SV2C: variants seen among roughly 807,000 people sequenced by gnomAD.
The protein encoded by SV2C is synaptic vesicle glycoprotein 2C.
Under a neutral mutation model 79.7 loss-of-function variants are expected in SV2C, and 49 were observed. The ratio of observed to expected loss-of-function variants is 0.61; its 90% confidence interval spans 0.49 to 0.78. The LOEUF (loss-of-function observed/expected upper bound fraction) is 0.78, where lower values mean the gene tolerates loss of function less well. SV2C is among the 30% of genes least tolerant of loss of function. The pLI, the probability that SV2C is intolerant of heterozygous loss-of-function variation, is 0.00. For synonymous variants in SV2C, 334 were observed against 333.2 expected (o/e 1.00, Z -0.03); for missense variants, 833 against 912.9 (o/e 0.91, Z 1.13).
chr5:76,040,916 G>A, the SV2C span, among the ~76,000 whole-genome samples: 1,488 of 152,278 alleles, frequency 9.8e-3, 27 homozygotes, highest in African/African-American at 0.03. Flanking sequence ...CAGTATCATA[G>A]CCTACCAAAA....
intron 12 of SV2C, among the ~76,000 whole-genome samples, chr5:76,344,854 G>A (rs1334814630): frequency 1.3e-5 from 2 of 152,240 alleles, no homozygotes; most frequent in Non-Finnish European, 2.9e-5. Context: ...TCATAGCCAT[G>A]TGGGTATATT....
At chr5:76,115,232 G>A (rs1176629294) in intron 1 of SV2C, among the ~76,000 whole-genome samples, 1 of 152,184 alleles carries the variant, frequency 6.6e-6, no homozygotes, top group East Asian at 1.9e-4. Context: ...TTCCATCTTT[G>A]AGTCTAAGTA....
At chr5:76,033,822 T>C in the SV2C span, among the ~76,000 whole-genome samples, 1 of 151,978 alleles carries the variant, frequency 6.6e-6, no homozygotes. Context: ...GCATTGAATC[T>C]GTAAATTACC....
At chr5:75,971,666 A>C in the SV2C span, among the ~76,000 whole-genome samples, 1 of 152,160 alleles carries the variant, frequency 6.6e-6, no homozygotes, top group African/African-American at 2.4e-5. Context: ...CTGCTCAAGG[A>C]AATAAAAGAG....
chr5:76,215,119 A>T (rs1023366406), intron 4 of SV2C, among the ~76,000 whole-genome samples: 4 of 152,168 alleles, frequency 2.6e-5, no homozygotes, highest in Non-Finnish European at 5.9e-5. Context: ...ACCATCGAGT[A>T]TGTTAGCTGG....
intron 4 of SV2C, among the ~76,000 whole-genome samples, chr5:76,275,134 A>G (rs568940646): frequency 6.6e-6 from 1 of 152,296 alleles, no homozygotes; most frequent in South Asian, 2.1e-4. Context: ...TCTTGTACCT[A>G]AAATCTGCAT....
intron 3 of SV2C, among the ~76,000 whole-genome samples, chr5:76,206,287 A>G (rs1744605643): frequency 6.6e-6 from 1 of 152,208 alleles, no homozygotes; most frequent in Admixed American, 6.5e-5. Context: ...GATGATCATT[A>G]TAGCATCTGC....
the SV2C span, among the ~76,000 whole-genome samples, chr5:75,866,172 C>G: frequency 1.3e-5 from 2 of 152,140 alleles, no homozygotes. Context: ...AACACGTTTA[C>G]TTCAACTGCC....
chr5:75,869,325 G>C, the SV2C span, among the ~76,000 whole-genome samples: 2 of 152,190 alleles, frequency 1.3e-5, no homozygotes, highest in African/African-American at 4.8e-5. Flanking sequence ...TAAGCTAACT[G>C]AAGAGCCCTT....
the SV2C span, among the ~76,000 whole-genome samples, chr5:75,994,531 G>A: frequency 6.6e-6 from 1 of 152,004 alleles, no homozygotes; most frequent in Non-Finnish European, 1.5e-5. Flanking sequence ...ATAAAGTGAG[G>A]GCATTGAAGG....
chr5:75,968,851 G>A, the SV2C span, among the ~76,000 whole-genome samples: 1 of 152,150 alleles, frequency 6.6e-6, no homozygotes, highest in Admixed American at 6.5e-5. Flanking sequence ...CTCGAGAAGA[G>A]CAACTTCAAG....
intron 2 of SV2C, among the ~76,000 whole-genome samples, chr5:76,178,387 T>G (rs776205037): frequency 6.2e-4 from 94 of 152,228 alleles, no homozygotes; most frequent in Non-Finnish European, 1.1e-3. Flanking sequence ...TAAATTTCTT[T>G]TCTTTTTCAG....
At chr5:75,878,332 A>G in the SV2C span, among the ~76,000 whole-genome samples, 1 of 152,150 alleles carries the variant, frequency 6.6e-6, no homozygotes, top group Non-Finnish European at 1.5e-5. Flanking sequence ...TTTGCAGTTG[A>G]GGAAGTTGAA....
At chr5:75,985,520 C>T in the SV2C span, among the ~76,000 whole-genome samples, 3 of 151,980 alleles carry the variant, frequency 2.0e-5, no homozygotes, top group Non-Finnish European at 4.4e-5. Context: ...TAAGCACCTG[C>T]TCCTAAAAAT....
At chr5:76,051,186 T>TA in the SV2C span, among the ~76,000 whole-genome samples, 6 of 151,842 alleles carry the variant, frequency 4.0e-5, no homozygotes, top group African/African-American at 1.5e-4. Flanking sequence ...TTAGCTAATA[T>TA]AAAAAAAAGT....
At chr5:75,866,071 C>G in the SV2C span, among the ~76,000 whole-genome samples, 1 of 152,198 alleles carries the variant, frequency 6.6e-6, no homozygotes, top group Non-Finnish European at 1.5e-5. Context: ...TTCTGAGCCA[C>G]TTACTTCCCT....
intron 2 of SV2C, among the ~76,000 whole-genome samples, chr5:76,145,835 G>A (rs13170038): frequency 0.11 from 16,960 of 152,188 alleles, 1,051 homozygotes; most frequent in Non-Finnish European, 0.14. Flanking sequence ...GGGAGAGATT[G>A]GGGGAACACA....
rs115196313 is a variant in SV2C, at chr5:76,086,272, C to T, written c.-102+2760C>T. ...TCATAATGTGCAATATATCACGTGA[C>T]GACAAGTACCAGAAAACCCATTTCC... On this transcript the variant is annotated intron_variant, in intron 1 of 12. Coordinates refer to ENST00000502798, the MANE Select transcript of SV2C (RefSeq NM_014979.4). Among the ~76,000 whole-genome samples the T allele has an allele frequency of 1.1e-3, 175 of 152,238 alleles. 1 individual carries two copies. Among genetic ancestry groups the T allele is most frequent in the African/African-American group, 3.8e-3 (159 of 41,536 alleles).
intron 1 of SV2C, among the ~76,000 whole-genome samples, chr5:76,097,761 G>T (rs2112111272): frequency 6.6e-6 from 1 of 152,212 alleles, no homozygotes; most frequent in African/African-American, 2.4e-5. Context: ...CATATTTGGA[G>T]GTGGGAAAGG....
Sources: allele counts gnomAD v4.1 joint callset (sites outside exome capture counted in the v4.1 genomes callset), GRCh38; gene constraint gnomAD v4.1.1; transcripts MANE v1.5; gene names NCBI Gene and HGNC (gene_info 2026-07-23, HGNC 2026-07-21).